TMEM233: variants seen among roughly 807,000 people sequenced by gnomAD.
TMEM233 encodes dispanin subfamily B member 2.
A neutral mutation model predicts 11.2 loss-of-function variants in TMEM233; 6 were observed. The ratio of observed to expected loss-of-function variants is 0.54; its 90% CI spans 0.29 to 1.06. The LOEUF is 1.06. Among genes scored for constraint, TMEM233 ranks in the 50% least tolerant of loss-of-function variants. TMEM233 has a pLI of 0.08. For missense variants in TMEM233, 127 were observed against 144.7 expected, an observed-to-expected ratio of 0.88 and a Z score of 0.63; for synonymous variants, 59 against 55.8, an observed-to-expected ratio of 1.06 and a Z score of -0.26.
the TMEM233 span, among the ~76,000 whole-genome samples, chr12:119,649,203 C>T: frequency 6.6e-6 from 1 of 152,078 alleles, no homozygotes; most frequent in Non-Finnish European, 1.5e-5. Context: ...GAAGCTGAGG[C>T]AGGAGAATCT....
intron 2 of TMEM233, 55 bp from the exon 3 acceptor site, chr12:119,640,644 C>A: frequency 6.5e-7 from 1 of 1,545,456 alleles, no homozygotes; most frequent in African/African-American, 1.4e-5. Flanking sequence ...GGAAAGCCAA[C>A]CACAGAAGCT....
Sources: gnomAD v4.1 joint callset for allele counts (sites outside exome capture counted in the v4.1 genomes callset) on GRCh38, gnomAD v4.1.1 for gene constraint, MANE v1.5 for transcripts, NCBI Gene and HGNC (gene_info 2026-07-23, HGNC 2026-07-21) for gene names.